ACOXL: variants seen among roughly 807,000 people sequenced by gnomAD.
The protein encoded by ACOXL is acyl-CoA oxidase like.
A neutral mutation model predicts 71.9 loss-of-function variants in ACOXL; 70 were observed. The ratio of observed to expected loss-of-function variants is 0.97; its 90% confidence interval spans 0.80 to 1.19. The LOEUF (loss-of-function observed/expected upper bound fraction) is 1.19. Among genes scored for constraint, ACOXL ranks in the 50% most tolerant of loss-of-function variants. The pLI is 0.00. For synonymous variants in ACOXL, 253 were observed against 281.6 expected, an observed-to-expected ratio of 0.90 and a Z score of 1.02; for missense variants, 703 against 736.3, an observed-to-expected ratio of 0.95 and a Z score of 0.52.
In ACOXL at chr2:111,019,215, C is replaced by G. The variant is rs535916701; in HGVS notation, c.1282-12412C>G. Among the ~76,000 whole-genome samples the G allele has an allele frequency of 2.6e-5, 4 of 152,302 alleles. No homozygotes were observed. In the South Asian group the frequency reaches 8.3e-4, roughly 32 times the overall value. ...GCCTGTAAAATCTATTTAAGGCCTC[C>G]TGATTTTCCCCTTTCTATTCCTCCA... On this transcript the variant is annotated intron_variant, in intron 14 of 17. Transcript: ENST00000439055.
chr2:110,842,055 C>T (rs146185850), intron 10 of ACOXL, among the ~76,000 whole-genome samples: 5 of 152,320 alleles, frequency 3.3e-5, no homozygotes, highest in East Asian at 1.9e-4. Flanking sequence ...CAAAGTGCCA[C>T]CCTGTGGTCA....
intron 10 of ACOXL, among the ~76,000 whole-genome samples, chr2:110,873,008 T>C (rs908527134): frequency 6.6e-6 from 1 of 152,156 alleles, no homozygotes; most frequent in Non-Finnish European, 1.5e-5. Context: ...CTATTTTGTT[T>C]TTTCTGCCTG....
intron 10 of ACOXL, among the ~76,000 whole-genome samples, chr2:110,879,035 C>T (rs749778939): frequency 1.9e-4 from 28 of 146,470 alleles, no homozygotes; most frequent in Non-Finnish European, 3.3e-4. Flanking sequence ...CCAGCCTGGG[C>T]GACAGGGCGA....
intron 12 of ACOXL, among the ~76,000 whole-genome samples, chr2:110,949,386 C>CGTTT (rs2061240412): frequency 1.1e-5 from 1 of 90,108 alleles, no homozygotes; most frequent in African/African-American, 3.7e-5. Context: ...TGACCAACTC[C>CGTTT]CTTTCTATTT....
chr2:111,032,060 C>T (rs2065297631), intron 15 of ACOXL, among the ~76,000 whole-genome samples: 1 of 152,180 alleles, frequency 6.6e-6, no homozygotes, highest in Admixed American at 6.5e-5. Flanking sequence ...TGATCTCGTT[C>T]CTAAACGGGA....
In ACOXL at chr2:110,929,268, T is replaced by A. The variant is rs114936660; in HGVS notation, c.906-4221T>A. ...TGGACTCAGATGGAGATGAAGAATTTGTTGGGAACTGGAGTGAAGGTGACT... is the reference window on the plus strand; with the variant it reads ...TGGACTCAGATGGAGATGAAGAATTAGTTGGGAACTGGAGTGAAGGTGACT... On this transcript the variant is annotated intron_variant, in intron 11 of 17. Transcript: ENST00000439055. 4.5e-3 allele frequency among the ~76,000 whole-genome samples: 681 copies of A among 152,320 alleles called. 7 individuals are homozygous for A. The highest frequency in any genetic ancestry group is 0.016 in the African/African-American group (667 of 41,576).
chr2:110,846,641 G>GCA (rs61028803), intron 10 of ACOXL, among the ~76,000 whole-genome samples: 29,279 of 137,942 alleles, frequency 0.21, 3,182 homozygotes, highest in Non-Finnish European at 0.27. Context: ...ATGCATACAC[G>GCA]CACACACACA....
intron 14 of ACOXL, among the ~76,000 whole-genome samples, chr2:111,003,296 T>C (rs2063718515): frequency 6.6e-6 from 1 of 151,972 alleles, no homozygotes; most frequent in African/African-American, 2.4e-5. Context: ...ACGCCTGTAA[T>C]CCCAGCATTT....
At chr2:110,947,980 G>A (rs1343195946) in intron 12 of ACOXL, among the ~76,000 whole-genome samples, 1 of 152,224 alleles carries the variant, frequency 6.6e-6, no homozygotes, top group Non-Finnish European at 1.5e-5. Context: ...GTGTCACCGT[G>A]CCCTCAGGGC....
At chr2:111,099,377 C>T (rs1433526193) in intron 17 of ACOXL, 1 of 152,162 alleles carries the variant, frequency 6.6e-6, no homozygotes, top group African/African-American at 2.4e-5. Context: ...TCACAAGCAC[C>T]CTTTAGTGTG....
intron 10 of ACOXL, among the ~76,000 whole-genome samples, chr2:110,866,868 C>T (rs546123978): frequency 2.0e-4 from 30 of 152,292 alleles, no homozygotes; most frequent in African/African-American, 6.0e-4. Flanking sequence ...GTGCTAGAGA[C>T]GAGGCTCCTA....
At chr2:110,870,217 T>G (rs1481321103) in intron 10 of ACOXL, among the ~76,000 whole-genome samples, 1 of 152,246 alleles carries the variant, frequency 6.6e-6, no homozygotes, top group Non-Finnish European at 1.5e-5. Flanking sequence ...ACTGCCTACC[T>G]GCTGGACAGC....
intron 11 of ACOXL, among the ~76,000 whole-genome samples, chr2:110,912,822 CAGAAT>C (rs768789742): frequency 3.7e-4 from 57 of 152,236 alleles, no homozygotes; most frequent in Non-Finnish European, 6.9e-4. Flanking sequence ...AGACAATCCA[CAGAAT>C]AGGAGAAAGT....
At chr2:110,946,473 A>G (rs1444540439) in intron 12 of ACOXL, among the ~76,000 whole-genome samples, 1 of 152,066 alleles carries the variant, frequency 6.6e-6, no homozygotes, top group African/African-American at 2.4e-5. Context: ...TCTCAGGGGG[A>G]ATGGTTTCAG....
At chr2:110,890,484 T>G (rs1319320079) in intron 10 of ACOXL, among the ~76,000 whole-genome samples, 1 of 152,216 alleles carries the variant, frequency 6.6e-6, no homozygotes, top group African/African-American at 2.4e-5. Flanking sequence ...GAGTTAATTT[T>G]GTGTATGGTG....
chr2:111,097,774 G>A (rs1351172221), intron 17 of ACOXL, among the ~76,000 whole-genome samples: 1 of 152,202 alleles, frequency 6.6e-6, no homozygotes, highest in Non-Finnish European at 1.5e-5. Flanking sequence ...CAAGTATATA[G>A]TAATTAAGCC....
chr2:110,922,924 A>G (rs575673781), intron 11 of ACOXL, among the ~76,000 whole-genome samples: 2 of 152,140 alleles, frequency 1.3e-5, no homozygotes. Context: ...AGGACCTTCT[A>G]ATTTTCTTGA....
intron 12 of ACOXL, among the ~76,000 whole-genome samples, chr2:110,939,606 C>T (rs549951565): frequency 1.4e-4 from 22 of 152,272 alleles, no homozygotes; most frequent in African/African-American, 5.1e-4. Flanking sequence ...AGAAAACATT[C>T]TAGTACCTTG....
intron 1 of ACOXL, among the ~76,000 whole-genome samples, chr2:110,759,350 C>A (rs1680088685): frequency 1.3e-5 from 2 of 152,164 alleles, no homozygotes; most frequent in Admixed American, 6.5e-5. Flanking sequence ...CTTTATGAAT[C>A]TGGGTGCTCC....
Sources: allele counts gnomAD v4.1 joint callset (sites outside exome capture counted in the v4.1 genomes callset), GRCh38; gene constraint gnomAD v4.1.1; transcripts MANE v1.5; gene names NCBI Gene and HGNC (gene_info 2026-07-23, HGNC 2026-07-21).